Variants in NPHP1 observed in about 807,000 individuals in gnomAD.
The protein encoded by NPHP1 is nephrocystin 1, also known as nephrocystin-1.
In NPHP1, 70 loss-of-function variants were observed where a neutral mutation model predicts 90.4. That is an observed-to-expected ratio of 0.77 (90% confidence interval 0.64 to 0.95). The LOEUF (loss-of-function observed/expected upper bound fraction) is 0.95. Ranked by LOEUF, NPHP1 falls within the 40% of genes least tolerant of loss-of-function variation. NPHP1 has a pLI of 0.00. For synonymous variants in NPHP1, 256 were observed against 271.7 expected (o/e 0.94, Z 0.57); for missense variants, 764 against 795.9 (o/e 0.96, Z 0.48).
chr2:110,132,825 G>T (rs1022854865), intron 16 of NPHP1, among the ~76,000 whole-genome samples: 2 of 152,118 alleles, frequency 1.3e-5, no homozygotes, highest in African/African-American at 4.8e-5. Flanking sequence ...AGTTAAGTTG[G>T]TATTAGTTTA....
At chr2:110,124,203 G>A in intron 19 of NPHP1, 140 bp from the exon 20 acceptor site, 1 of 877,256 alleles carries the variant, frequency 1.1e-6, no homozygotes, top group Non-Finnish European at 1.9e-6. Flanking sequence ...TGAGCCAGCT[G>A]CTCAGGCAGG....
chr2:110,140,279 G>T (rs1574077780), intron 16 of NPHP1, among the ~76,000 whole-genome samples: 2 of 152,140 alleles, frequency 1.3e-5, no homozygotes, highest in South Asian at 4.1e-4. Context: ...AAGCTGAGCG[G>T]AAGTCCTGAG....
chr2:110,203,961 A>G (rs1291639072), intron 1 of NPHP1, among the ~76,000 whole-genome samples: 4 of 152,168 alleles, frequency 2.6e-5, no homozygotes, highest in Non-Finnish European at 5.9e-5. Context: ...ATGAAAAAGA[A>G]TAAAGAAAAT....
chr2:110,194,484 A>G (rs1158956366), intron 2 of NPHP1, among the ~76,000 whole-genome samples: 6 of 152,148 alleles, frequency 3.9e-5, no homozygotes, highest in Non-Finnish European at 7.4e-5. Flanking sequence ...GAATAGACCA[A>G]TAACAGGCTC....
chr2:110,201,278 A>C (rs1685560320), intron 2 of NPHP1, 143 bp downstream of exon 2: 2 of 675,096 alleles, frequency 3.0e-6, no homozygotes, highest in Middle Eastern at 4.0e-4. Context: ...CATCAGGTTT[A>C]GGTTGGTTTC....
chr2:110,158,775 G>A (rs1682095468), intron 11 of NPHP1, among the ~76,000 whole-genome samples: 1 of 151,606 alleles, frequency 6.6e-6, no homozygotes, highest in African/African-American at 2.4e-5. Context: ...TTTTTGAAGA[G>A]GCTATTCAAG....
chr2:110,171,663 C>T (rs540457049), intron 4 of NPHP1, among the ~76,000 whole-genome samples: 2 of 151,956 alleles, frequency 1.3e-5, no homozygotes, highest in African/African-American at 2.4e-5. Context: ...AAAATGTTGC[C>T]GAAAATAATG....
chr2:110,188,726 C>A lies in NPHP1; in HGVS notation c.144-9042G>T, dbSNP rs143541853. Reference sequence around the variant, plus strand: ...AAAAAGAACAAAGCTGGAGGCATCACACCACCTAACTTCAAACTATATTAC... The same window carrying A: ...AAAAAGAACAAAGCTGGAGGCATCAAACCACCTAACTTCAAACTATATTAC... On this transcript the variant is annotated intron_variant, in intron 2 of 19. Coordinates refer to ENST00000445609, the MANE Select transcript of NPHP1 (RefSeq NM_001128178.3). Among the ~76,000 whole-genome samples the A allele has an allele frequency of 8.3e-4, 127 of 152,262 alleles. 1 individual carries two copies. The East Asian group carries it at 0.014, about 17-fold the overall frequency.
intron 9 of NPHP1, among the ~76,000 whole-genome samples, chr2:110,162,836 C>A (rs1190667676): frequency 6.6e-6 from 1 of 152,078 alleles, no homozygotes; most frequent in East Asian, 1.9e-4. Context: ...AAGAAAGGGG[C>A]TGGAACCCGG....
intron 16 of NPHP1, among the ~76,000 whole-genome samples, chr2:110,142,109 G>A (rs926862471): frequency 6.6e-6 from 1 of 151,988 alleles, no homozygotes; most frequent in African/African-American, 2.4e-5. Context: ...ATATCCACAT[G>A]CAGAAAATTT....
intron 18 of NPHP1, chr2:110,126,542 GA>G (rs1679382729): frequency 6.6e-6 from 1 of 152,534 alleles, no homozygotes; most frequent in Non-Finnish European, 1.5e-5. Flanking sequence ...CACGTGAGGG[GA>G]CTATGGTCCT....
chr2:110,163,302 C>T (rs1209439813), intron 8 of NPHP1, 167 bp from the exon 9 acceptor site: 1 of 632,230 alleles, frequency 1.6e-6, no homozygotes, highest in African/African-American at 1.8e-5. Flanking sequence ...GATGCCATCA[C>T]AGCACCCTGG....
At chr2:110,179,146 T>A (rs1683709370) in intron 3 of NPHP1, among the ~76,000 whole-genome samples, 2 of 118,190 alleles carry the variant, frequency 1.7e-5, no homozygotes, top group African/African-American at 3.7e-5. Context: ...CCAAGGCTCA[T>A]GTGAAAAAAA....
In NPHP1 at chr2:110,131,719, T is replaced by C; in HGVS notation, c.1602A>G (p.Gly534=). ...HLLIFYRQIL[G]DVLLKDRMSL... is the part of the protein sequence containing the mutation. ...TCATCCTGTCTTTCAGGAGCACATC[T>C]CCAAGAATTTGTCGATAAAATATCA... The change falls in exon 17 of 20, where the codon GGA becomes GGG. Residue 534 remains glycine (G), a synonymous_variant. Coordinates refer to ENST00000445609, the MANE Select transcript of NPHP1 (RefSeq NM_001128178.3). The C allele has an allele frequency of 6.2e-7, 1 of 1,613,410 alleles. No individual in the cohort carries two copies. Among genetic ancestry groups the C allele is most frequent in the Non-Finnish European group, 8.5e-7 (1 of 1,179,424 alleles).
At chr2:110,145,637 A>C (rs1680985676) in intron 14 of NPHP1, among the ~76,000 whole-genome samples, 1 of 152,102 alleles carries the variant, frequency 6.6e-6, no homozygotes, top group African/African-American at 2.4e-5. Context: ...CAGTATTCAA[A>C]ATATTCTGCA....
intron 9 of NPHP1, among the ~76,000 whole-genome samples, chr2:110,162,363 C>T (rs1682405873): frequency 6.6e-6 from 1 of 152,046 alleles, no homozygotes. Flanking sequence ...TCAAGGAAGG[C>T]ATCTCTGGGA....
At chr2:110,152,652 T>C (rs984027515) in intron 11 of NPHP1, among the ~76,000 whole-genome samples, 13 of 146,264 alleles carry the variant, frequency 8.9e-5, no homozygotes, top group Non-Finnish European at 1.5e-4. Context: ...GTAGTGAGCC[T>C]AAGCAAGTAG....
At chr2:110,170,100 G>T in intron 4 of NPHP1, 102 bp from the exon 5 acceptor site, 2 of 1,427,822 alleles carry the variant, frequency 1.4e-6, no homozygotes, top group South Asian at 1.2e-5. Context: ...CATATTTGGA[G>T]CTGGCAAATA....
chr2:110,128,595 C>T (rs932315365), intron 18 of NPHP1: 5 of 153,812 alleles, frequency 3.3e-5, no homozygotes, highest in African/African-American at 9.7e-5. Flanking sequence ...TTCTTTGCTG[C>T]CTTCTTTAAA....
Sources: gnomAD v4.1 joint callset for allele counts (sites outside exome capture counted in the v4.1 genomes callset) on GRCh38, gnomAD v4.1.1 for gene constraint, MANE v1.5 for transcripts, NCBI Gene and HGNC (gene_info 2026-07-23, HGNC 2026-07-21) for gene names.